Variants in GABBR2 observed in about 807,000 individuals in gnomAD.
The protein encoded by GABBR2 is G-protein coupled receptor 51.
Under a neutral mutation model 105.6 loss-of-function variants are expected in GABBR2, and 23 were observed. The ratio of observed to expected loss-of-function variants is 0.22; its 90% CI spans 0.16 to 0.31. The LOEUF (loss-of-function observed/expected upper bound fraction) is 0.31. GABBR2 is among the 10% of genes least tolerant of loss of function. The pLI is 1.00. For synonymous variants in GABBR2, 478 were observed against 499.7 expected, an observed-to-expected ratio of 0.96 and a Z score of 0.58; for missense variants, 734 against 1,245.5, an observed-to-expected ratio of 0.59 and a Z score of 6.18.
chr9:98,684,540 G>A (rs1302178394), intron 1 of GABBR2, among the ~76,000 whole-genome samples: 2 of 152,204 alleles, frequency 1.3e-5, no homozygotes, highest in African/African-American at 4.8e-5. Context: ...CATCAGTGGT[G>A]ACGGATTCCA....
At chr9:98,377,428 G>A (rs1831895587) in intron 11 of GABBR2, among the ~76,000 whole-genome samples, 1 of 152,178 alleles carries the variant, frequency 6.6e-6, no homozygotes, top group South Asian at 2.1e-4. Context: ...ACTCAGAGGG[G>A]TCCCTTATTT....
At chr9:98,551,317 C>T (rs1038198555) in intron 2 of GABBR2, among the ~76,000 whole-genome samples, 1 of 152,128 alleles carries the variant, frequency 6.6e-6, no homozygotes, top group Non-Finnish European at 1.5e-5. Flanking sequence ...GCAGAACAAT[C>T]GCTTAAACCC....
intron 3 of GABBR2, among the ~76,000 whole-genome samples, chr9:98,514,212 C>T (rs1368244049): frequency 7.6e-6 from 1 of 131,760 alleles, no homozygotes; most frequent in Non-Finnish European, 1.7e-5. Flanking sequence ...AATGAGATCA[C>T]ATGGACACAG....
intron 1 of GABBR2, among the ~76,000 whole-genome samples, chr9:98,651,601 A>C (rs948136803): frequency 6.6e-6 from 1 of 151,902 alleles, no homozygotes; most frequent in Admixed American, 6.6e-5. Context: ...ACCTTGGCTA[A>C]TTTAAAAAAA....
chr9:98,500,359 T>C (rs1827373653), intron 3 of GABBR2, among the ~76,000 whole-genome samples: 6 of 152,022 alleles, frequency 3.9e-5, no homozygotes, highest in Admixed American at 3.9e-4. Flanking sequence ...CTGGGAGGGA[T>C]GGGGAGAGAT....
Position 98,388,125 on chromosome 9 carries a change from C to A in GABBR2, c.1529+729G>T, listed in dbSNP as rs1832108699. On this transcript the variant is annotated intron_variant, in intron 10 of 18. Coordinates refer to ENST00000259455, the MANE Select transcript of GABBR2 (RefSeq NM_005458.8). This position sits in a 1 kb window ranked among gnomAD's most constrained non-coding sequence, Gnocchi z 4.4. ...GAAGCAAAATGCACTTGGTAAAAAC[C>A]ACCGCCTGGAGTGGCGGCCTGTTCT... Among the ~76,000 whole-genome samples the A allele has an allele frequency of 1.3e-5, 2 of 152,318 alleles. No individual in the cohort carries two copies. The highest frequency in any genetic ancestry group is 4.1e-4 in the South Asian group (2 of 4,828).
intron 6 of GABBR2, among the ~76,000 whole-genome samples, chr9:98,464,585 C>T (rs140486272): frequency 0.012 from 1,794 of 151,948 alleles, 42 homozygotes; most frequent in African/African-American, 0.041. Flanking sequence ...TCTGCCAAGC[C>T]GCCCCGTCTG....
At chr9:98,307,256 C>T (rs1830565997) in intron 14 of GABBR2, among the ~76,000 whole-genome samples, 3 of 152,142 alleles carry the variant, frequency 2.0e-5, no homozygotes, top group African/African-American at 4.8e-5. Context: ...CAGAAATGGA[C>T]AGGGTAGAGG....
At chr9:98,676,216 G>C (rs1830475659) in intron 1 of GABBR2, among the ~76,000 whole-genome samples, 1 of 152,236 alleles carries the variant, frequency 6.6e-6, no homozygotes, top group Non-Finnish European at 1.5e-5. Context: ...AAGGGGCCAT[G>C]TGCCAAGGAA....
chr9:98,340,155 A>G (rs1332503055), intron 13 of GABBR2, among the ~76,000 whole-genome samples: 3 of 151,104 alleles, frequency 2.0e-5, no homozygotes, highest in African/African-American at 7.3e-5. Context: ...ATGAAAAAAG[A>G]ACATTTATTG....
At chr9:98,646,034 A>T (rs1011254255) in intron 1 of GABBR2, among the ~76,000 whole-genome samples, 4 of 152,206 alleles carry the variant, frequency 2.6e-5, no homozygotes, top group African/African-American at 4.8e-5. Flanking sequence ...CCTGTTGATG[A>T]GCACTGTAAT....
intron 2 of GABBR2, among the ~76,000 whole-genome samples, chr9:98,551,774 G>C (rs10986708): frequency 0.33 from 49,977 of 152,108 alleles, 8,732 homozygotes; most frequent in Middle Eastern, 0.49. Flanking sequence ...GGCCTCTTTA[G>C]GGAGCCGGGA....
chr9:98,520,406 C>T (rs1038013324), intron 3 of GABBR2, among the ~76,000 whole-genome samples: 2 of 152,218 alleles, frequency 1.3e-5, no homozygotes, highest in South Asian at 2.1e-4. Flanking sequence ...GAAATCTTTT[C>T]ACCACCCCCG....
intron 2 of GABBR2, among the ~76,000 whole-genome samples, chr9:98,556,599 C>G (rs1218506922): frequency 6.6e-6 from 1 of 152,104 alleles, no homozygotes; most frequent in Non-Finnish European, 1.5e-5. Flanking sequence ...CAAGAGCACC[C>G]GGAAGTGAGT....
At chr9:98,299,690 C>A (rs929321187) in intron 16 of GABBR2, among the ~76,000 whole-genome samples, 2 of 152,102 alleles carry the variant, frequency 1.3e-5, no homozygotes, top group African/African-American at 4.8e-5. Flanking sequence ...CCCAAGGCTG[C>A]CCCTTACTTG....
At chr9:98,291,479 G>A (rs751146771) in intron 18 of GABBR2, among the ~76,000 whole-genome samples, 32 of 152,044 alleles carry the variant, frequency 2.1e-4, no homozygotes, top group Non-Finnish European at 3.2e-4. Context: ...CCTCTCTCCC[G>A]TCTGCCTCTG....
chr9:98,657,968 A>G (rs1167483794), intron 1 of GABBR2, among the ~76,000 whole-genome samples: 1 of 152,260 alleles, frequency 6.6e-6, no homozygotes, highest in Non-Finnish European at 1.5e-5. Flanking sequence ...TTTCCTTTAT[A>G]AATCACCCAG....
intron 1 of GABBR2, among the ~76,000 whole-genome samples, chr9:98,674,202 G>C (rs1830444657): frequency 6.6e-6 from 1 of 152,126 alleles, no homozygotes; most frequent in African/African-American, 2.4e-5. Context: ...GTAGCTAAAT[G>C]ACATGGAAAT....
At chr9:98,643,002 A>C (rs1829985774) in intron 1 of GABBR2, among the ~76,000 whole-genome samples, 1 of 152,128 alleles carries the variant, frequency 6.6e-6, no homozygotes, top group Non-Finnish European at 1.5e-5. Flanking sequence ...GTCTTAGCTG[A>C]TCTCTCCCAG....
Sources: allele counts gnomAD v4.1 joint callset (sites outside exome capture counted in the v4.1 genomes callset), GRCh38; gene constraint gnomAD v4.1.1; non-coding constraint Gnocchi (gnomAD v3.1); transcripts MANE v1.5; gene names NCBI Gene and HGNC (gene_info 2026-07-23, HGNC 2026-07-21).